Variants in NCAPG observed in about 807,000 individuals in gnomAD.
NCAPG encodes the protein non-SMC condensin I complex subunit G, also known as condensin complex subunit 3.
Under a neutral mutation model 113.1 loss-of-function variants are expected in NCAPG, and 69 were observed. The ratio of observed to expected loss-of-function variants is 0.61; its 90% confidence interval spans 0.50 to 0.75. The LOEUF (loss-of-function observed/expected upper bound fraction) is 0.75, where lower values mean the gene tolerates loss of function less well. Among genes scored for constraint, NCAPG ranks in the 30% least tolerant of loss-of-function variants. NCAPG has a pLI of 0.00. For missense variants in NCAPG, 1,058 were observed against 1,177.0 expected, an observed-to-expected ratio of 0.90 and a Z score of 1.48; for synonymous variants, 370 against 415.8, an observed-to-expected ratio of 0.89 and a Z score of 1.34.
intron 14 of NCAPG, among the ~76,000 whole-genome samples, chr4:17,834,862 A>G (rs1722030565): frequency 6.6e-6 from 1 of 152,124 alleles, no homozygotes; most frequent in South Asian, 2.1e-4. Context: ...AAATATCTTA[A>G]TTAAATCCTA....
intron 7 of NCAPG, among the ~76,000 whole-genome samples, chr4:17,822,513 T>C (rs149352551): frequency 1.1e-4 from 16 of 152,200 alleles, no homozygotes; most frequent in African/African-American, 3.4e-4. Flanking sequence ...TTATGACTAA[T>C]TGGATTTTTG....
chr4:17,828,998 T>A lies in NCAPG; in HGVS notation c.1764+610T>A, dbSNP rs548599605. Among the ~76,000 whole-genome samples the A allele has an allele frequency of 4.6e-5, 7 of 152,204 alleles. No individual in the cohort carries two copies. In the East Asian group the frequency reaches 1.2e-3, roughly 25 times the overall value. Reference sequence around the variant, plus strand: ...GTATATTGAATATATCCAACTGTATTATTTGGATATGTCCAATATATCCAA... The same window carrying A: ...GTATATTGAATATATCCAACTGTATAATTTGGATATGTCCAATATATCCAA... On this transcript the variant is annotated intron_variant, in intron 12 of 20. Transcript: ENST00000251496.
intron 6 of NCAPG, 59 bp downstream of exon 6, chr4:17,817,512 T>C: frequency 1.4e-6 from 2 of 1,387,880 alleles, no homozygotes; most frequent in Non-Finnish European, 2.0e-6. Flanking sequence ...AATTAATTTG[T>C]TTTTTTTCCT....
At chr4:17,839,951 A>T in intron 17 of NCAPG, 114 bp downstream of exon 17, 9 of 1,442,072 alleles carry the variant, frequency 6.2e-6, no homozygotes, top group Non-Finnish European at 8.4e-6. Context: ...TATTTGAAGT[A>T]TTTTCTTCAT....
chr4:17,811,039 G>T lies in NCAPG; in HGVS notation c.-39G>T, dbSNP rs757742694. ...GTTGGCGGGCTGGCAGGCTGTAGCC[G>T]AGCGCGGGCAGGACTCGTCCCGGCA... On this transcript the variant is annotated 5_prime_UTR_variant, in exon 1 of 21. Transcript: ENST00000251496. The surrounding 1 kb of genome is among the most constrained non-coding windows in gnomAD (Gnocchi z 5.3). 7.5e-7 allele frequency: 1 copy of T among 1,340,764 alleles called. No individual in the cohort carries two copies. The highest frequency in any genetic ancestry group is 1.0e-6 in the Non-Finnish European group (1 of 1,002,286). The allele number at this position is 1,340,764 out of a possible 1,614,324, so 83.1% of individuals were successfully genotyped here. A position where few individuals can be genotyped will look rare whatever the true frequency, so the allele number is the denominator to read the frequency against.
rs902098884 is a variant in NCAPG at position 17,811,095 on chromosome 4, G to C, written c.18G>C (p.Arg6Ser). The C allele has an allele frequency of 6.5e-7, 1 of 1,527,770 alleles. No homozygotes were observed. The highest frequency in any genetic ancestry group is 2.0e-5 in the Admixed American group (1 of 48,932). 94.6% of individuals were successfully genotyped at this position (1,527,770 alleles called of 1,614,324 possible). A position where few individuals can be genotyped will look rare whatever the true frequency, so the allele number is the denominator to read the frequency against. Residue 6 changes from arginine to serine, a missense_variant, in exon 1 of 21, where the codon AGG becomes AGC. Arg to Ser is a moderately radical substitution (Grantham distance 110). Coordinates refer to ENST00000251496, the MANE Select transcript of NCAPG (RefSeq NM_022346.5). This position sits in a 1 kb window ranked among gnomAD's most constrained non-coding sequence, Gnocchi z 5.3. ...CCAGAGCCATGGGAGCGGAAAGGAG[G>C]CTGCTGTCGATTAAGGAGGCCTTTC... MGAER[R>S]LLSIKEAFRL...
chr4:17,811,024 T>G lies in NCAPG; in HGVS notation c.-54T>G, dbSNP rs1167776645. ...GAGCGCTGCCTCTGGGTTGGCGGGCTGGCAGGCTGTAGCCGAGCGCGGGCA... is the reference window on the plus strand; with the variant it reads ...GAGCGCTGCCTCTGGGTTGGCGGGCGGGCAGGCTGTAGCCGAGCGCGGGCA... On this transcript the variant is annotated 5_prime_UTR_variant, in exon 1 of 21. Coordinates refer to ENST00000251496, the MANE Select transcript of NCAPG (RefSeq NM_022346.5). The surrounding 1 kb of genome is among the most constrained non-coding windows in gnomAD (Gnocchi z 5.3). 12 of 1,172,696 alleles carry G rather than the reference T, an allele frequency of 1.0e-5. No individual in the cohort carries two copies. In the East Asian group the frequency reaches 3.8e-4, roughly 37 times the overall value. The allele number at this position is 1,172,696 out of a possible 1,614,324, so 72.6% of individuals were successfully genotyped here.
intron 13 of NCAPG, among the ~76,000 whole-genome samples, chr4:17,832,438 A>G (rs1291434315): frequency 6.6e-6 from 1 of 152,246 alleles, no homozygotes; most frequent in Non-Finnish European, 1.5e-5. Context: ...GATTTGCGCC[A>G]GAATAACTGG....
Position 17,844,207 on chromosome 4 carries a change from T to A in NCAPG, c.*782T>A, listed in dbSNP as rs1036329343. 1 of 152,348 alleles carries A rather than the reference T, an allele frequency of 6.6e-6. No homozygotes were observed. Among genetic ancestry groups the A allele is most frequent in the Non-Finnish European group, 1.5e-5 (1 of 67,868 alleles). The allele number at this position is 152,348 out of a possible 1,614,324, so 9.4% of individuals were successfully genotyped here. On this transcript the variant is annotated 3_prime_UTR_variant, in exon 21 of 21. Coordinates refer to ENST00000251496, the MANE Select transcript of NCAPG (RefSeq NM_022346.5). ...AACTTCTCTTTATATACGCTACCAA[T>A]TTATGAGCACTATTCACTGTCAATT...
At chr4:17,823,999 TG>T (rs1420370494) in intron 9 of NCAPG, among the ~76,000 whole-genome samples, 8 of 152,154 alleles carry the variant, frequency 5.3e-5, no homozygotes. Context: ...CAGTTTGAAA[TG>T]GAGCAGGTTT....
At chr4:17,839,900 A>T in intron 17 of NCAPG, 63 bp downstream of exon 17, 1 of 1,495,098 alleles carries the variant, frequency 6.7e-7, no homozygotes, top group Non-Finnish European at 9.0e-7. Flanking sequence ...TAGAATTTAC[A>T]TGGTTGTATT....
intron 19 of NCAPG, chr4:17,841,708 A>T (rs1446084196): frequency 6.6e-6 from 1 of 151,944 alleles, no homozygotes; most frequent in African/African-American, 2.4e-5. Flanking sequence ...CACAAGCCAA[A>T]CTTTGTCTTA....
intron 2 of NCAPG, 104 bp from the exon 3 acceptor site, chr4:17,812,810 ATTG>A (rs1295786075): frequency 2.9e-5 from 26 of 904,500 alleles, no homozygotes; most frequent in Middle Eastern, 2.5e-4. Flanking sequence ...CAGGAAATGA[ATTG>A]TTGTTGTAAC....
intron 16 of NCAPG, 89 bp from the exon 17 acceptor site, chr4:17,839,587 A>G: frequency 2.1e-6 from 2 of 967,604 alleles, no homozygotes; most frequent in Non-Finnish European, 1.4e-6. Flanking sequence ...TGGCAAGAAA[A>G]TTAGTTGGAA....
rs529177549 is a variant in NCAPG at position 17,842,088 on chromosome 4, C to T, written c.2855-222C>T. The T allele has an allele frequency of 6.9e-4, 298 of 431,494 alleles. 1 individual carries two copies. The highest frequency in any genetic ancestry group is 6.5e-3 in the South Asian group (211 of 32,404). 26.7% of individuals were successfully genotyped at this position (431,494 alleles called of 1,614,324 possible). A position where few individuals can be genotyped will look rare whatever the true frequency, so the allele number is the denominator to read the frequency against. ...CTTGAAATTTCCTTATTTTCCCTTA[C>T]TCATTATTAGTGCTTACAAAATAAA... On this transcript the variant is annotated intron_variant, in intron 19 of 20. Transcript: ENST00000251496.
intron 16 of NCAPG, among the ~76,000 whole-genome samples, chr4:17,838,773 T>A (rs577282671): frequency 2.6e-5 from 4 of 152,170 alleles, no homozygotes; most frequent in Non-Finnish European, 5.9e-5. Flanking sequence ...GTTGGCCTTA[T>A]GTGCAATGGA....
In NCAPG at chr4:17,811,106, T is replaced by C. The variant is rs747743547; in HGVS notation, c.29T>C (p.Ile10Thr). 7 of 1,536,010 alleles carry C rather than the reference T, an allele frequency of 4.6e-6. No individual in the cohort carries two copies. Among genetic ancestry groups the C allele is most frequent in the Non-Finnish European group, 3.5e-6 (4 of 1,141,840 alleles). MGAERRLLS[I>T]KEAFRLAQQP... Reference sequence around the variant, plus strand: ...GGAGCGGAAAGGAGGCTGCTGTCGATTAAGGAGGCCTTTCGGCTGGCGCAG... The same window carrying C: ...GGAGCGGAAAGGAGGCTGCTGTCGACTAAGGAGGCCTTTCGGCTGGCGCAG... Residue 10 changes from isoleucine to threonine, a missense_variant, in exon 1 of 21, where the codon ATT (isoleucine) becomes ACT (threonine). By Grantham distance (89) the Ile-to-Thr change is moderately conservative (BLOSUM62 -1). Transcript: ENST00000251496. The surrounding 1 kb of genome is among the most constrained non-coding windows in gnomAD (Gnocchi z 5.3).
intron 13 of NCAPG, among the ~76,000 whole-genome samples, chr4:17,831,931 A>C (rs1203606978): frequency 6.6e-6 from 1 of 152,096 alleles, no homozygotes; most frequent in Non-Finnish European, 1.5e-5. Context: ...GGGTTTGGCA[A>C]ACCTTTTGTG....
Position 17,825,393 on chromosome 4 carries a change from A to G in NCAPG, c.1485A>G (p.Ile495Met). Residue 495 changes from isoleucine (I) to methionine (M), a missense_variant, in exon 11 of 21, where the codon ATA (isoleucine) becomes ATG (methionine). By Grantham distance (10) the Ile-to-Met change is conservative. Coordinates refer to ENST00000251496, the MANE Select transcript of NCAPG (RefSeq NM_022346.5). ...ATATCTTCCCTTAGATGGCTGAAATAAAAGTTAAGCTTATCGAAGCCAAAG... is the reference window on the plus strand; with the variant it reads ...ATATCTTCCCTTAGATGGCTGAAATGAAAGTTAAGCTTATCGAAGCCAAAG... Reference protein sequence around the residue: ...VRKKELKMAEIKVKLIEAKEA... With the variant: ...VRKKELKMAEMKVKLIEAKEA... 6.3e-7 allele frequency: 1 copy of G among 1,582,330 alleles called. No homozygotes were observed. The highest frequency in any genetic ancestry group is 8.5e-7 in the Non-Finnish European group (1 of 1,171,860).
Sources: gnomAD v4.1 joint callset for allele counts (sites outside exome capture counted in the v4.1 genomes callset) on GRCh38, gnomAD v4.1.1 for gene constraint, Gnocchi (gnomAD v3.1) non-coding constraint, MANE v1.5 for transcripts, NCBI Gene and HGNC (gene_info 2026-07-23, HGNC 2026-07-21) for gene names.